Variants in GPR137C observed in about 807,000 individuals in gnomAD.
GPR137C encodes the protein integral membrane protein GPR137C.
In GPR137C, 27 loss-of-function variants were observed where a neutral mutation model predicts 43.4. The observed-to-expected ratio is 0.62, with a 90% CI of 0.46 to 0.86. GPR137C has a LOEUF of 0.86. Among genes scored for constraint, GPR137C ranks in the 40% least tolerant of loss-of-function variants. GPR137C has a pLI of 0.00. For missense variants in GPR137C, 522 were observed against 534.6 expected, an observed-to-expected ratio of 0.98 and a Z score of 0.23; for synonymous variants, 285 against 226.9, an observed-to-expected ratio of 1.26 and a Z score of -2.30.
chr14:52,623,104 G>C (rs933659279), intron 3 of GPR137C, among the ~76,000 whole-genome samples: 27 of 152,072 alleles, frequency 1.8e-4, no homozygotes, highest in African/African-American at 6.3e-4. Flanking sequence ...ATCAGGCGTT[G>C]ACATAAAAGA....
intron 3 of GPR137C, among the ~76,000 whole-genome samples, chr14:52,609,052 A>C (rs2039011413): frequency 6.6e-6 from 1 of 152,166 alleles, no homozygotes; most frequent in Non-Finnish European, 1.5e-5. Context: ...ACCTAACTCC[A>C]ACACCCCAAA....
chr14:52,566,398 T>G lies in GPR137C; in HGVS notation c.444+12807T>G, dbSNP rs150998346. ...GGTGTAGTGTATACTCTAAGGAGAATATAAACTTTTATCCCTTTATAGCCC... is the reference window on the plus strand; with the variant it reads ...GGTGTAGTGTATACTCTAAGGAGAAGATAAACTTTTATCCCTTTATAGCCC... On this transcript the variant is annotated intron_variant, in intron 1 of 6. Coordinates refer to ENST00000321662, the MANE Select transcript of GPR137C (RefSeq NM_001099652.2). 2.2e-3 allele frequency among the ~76,000 whole-genome samples: 339 copies of G among 152,354 alleles called. 9 individuals are homozygous for G. Among genetic ancestry groups the G allele is most frequent in the Admixed American group, 0.02 (299 of 15,304 alleles).
intron 1 of GPR137C, among the ~76,000 whole-genome samples, chr14:52,577,183 CAAAAAAAAAAAAAAA>C (rs34249999): frequency 7.3e-5 from 3 of 41,148 alleles, no homozygotes; most frequent in South Asian, 1.2e-3. Context: ...TAAGACTCCT[CAAAAAAAAAAAAAAA>C]AAAAAAAAAA....
At position 52,619,636 on chromosome 14, in the gene GPR137C, C is replaced by T. The variant is rs74626525; in HGVS notation, c.718-12524C>T. 8.5e-3 allele frequency among the ~76,000 whole-genome samples: 1,300 copies of T among 152,156 alleles called. 9 individuals are homozygous for T. The highest frequency in any genetic ancestry group is 0.014 in the Non-Finnish European group (969 of 67,960). On this transcript the variant is annotated intron_variant, in intron 3 of 6. Coordinates refer to ENST00000321662, the MANE Select transcript of GPR137C (RefSeq NM_001099652.2). The stretch of plus-strand genomic sequence containing the variant: ...TCTCCTAAGCCTAAGTAGTTTTCTC[C>T]CTGCTTCTAGACCCTTTTACTCTAT...
chr14:52,581,145 G>A (rs1443676592), intron 1 of GPR137C, among the ~76,000 whole-genome samples: 11 of 148,638 alleles, frequency 7.4e-5, no homozygotes, highest in Admixed American at 1.3e-4. Flanking sequence ...GCAGTGAGCC[G>A]AGATTGCGCC....
chr14:52,584,849 C>T (rs1307871946), intron 1 of GPR137C, among the ~76,000 whole-genome samples: 2 of 152,118 alleles, frequency 1.3e-5, no homozygotes, highest in African/African-American at 2.4e-5. Context: ...AATCCTCTTA[C>T]CTCAGCCTCC....
intron 1 of GPR137C, among the ~76,000 whole-genome samples, chr14:52,580,615 C>T (rs965173114): frequency 6.6e-6 from 1 of 151,908 alleles, no homozygotes; most frequent in Non-Finnish European, 1.5e-5. Context: ...CCACCCACCT[C>T]GGCCTCCCAA....
intron 3 of GPR137C, among the ~76,000 whole-genome samples, chr14:52,623,945 A>G (rs1415378824): frequency 6.6e-6 from 1 of 152,042 alleles, no homozygotes; most frequent in Non-Finnish European, 1.5e-5. Context: ...ACTACTGTTC[A>G]TTTTCAGAAT....
chr14:52,635,320 G>T lies in GPR137C; in HGVS notation c.*205G>T. The T allele has an allele frequency of 2.3e-6, 1 of 426,182 alleles. No homozygotes were observed. The highest frequency in any genetic ancestry group is 4.8e-5 in the South Asian group (1 of 20,866). The allele number at this position is 426,182 out of a possible 1,614,324, so 26.4% of individuals were successfully genotyped here. ...GTAAAATGGAAAGTTTGGAGTAGGA[G>T]AAAAGAGAGATTAGATCTTAAGGCA... On this transcript the variant is annotated 3_prime_UTR_variant, in exon 7 of 7. Transcript: ENST00000321662.
chr14:52,610,820 A>G (rs1473199782), intron 3 of GPR137C, among the ~76,000 whole-genome samples: 3 of 152,210 alleles, frequency 2.0e-5, no homozygotes, highest in Admixed American at 2.0e-4. Flanking sequence ...ACCAATAAAC[A>G]TGCCCAAGTT....
intron 1 of GPR137C, among the ~76,000 whole-genome samples, chr14:52,567,927 G>A (rs1005388841): frequency 6.6e-6 from 1 of 152,022 alleles, no homozygotes; most frequent in African/African-American, 2.4e-5. Context: ...CAAAGTGCTG[G>A]GATTACAGGC....
intron 1 of GPR137C, among the ~76,000 whole-genome samples, chr14:52,589,197 G>A (rs544155044): frequency 6.6e-6 from 1 of 152,290 alleles, no homozygotes; most frequent in African/African-American, 2.4e-5. Flanking sequence ...AGGACAGAAA[G>A]TAGAGAGATG....
intron 1 of GPR137C, among the ~76,000 whole-genome samples, chr14:52,590,543 G>A (rs2038769024): frequency 6.6e-6 from 1 of 152,104 alleles, no homozygotes; most frequent in South Asian, 2.1e-4. Context: ...GCAACTTCCA[G>A]CCCTGTAAGC....
chr14:52,587,550 C>G (rs1430004347), intron 1 of GPR137C, among the ~76,000 whole-genome samples: 2 of 152,188 alleles, frequency 1.3e-5, no homozygotes, highest in African/African-American at 4.8e-5. Context: ...GCTGGCAGAT[C>G]ATTTGAGGTC....
At chr14:52,594,784 G>T (rs1247624522) in intron 1 of GPR137C, among the ~76,000 whole-genome samples, 1 of 152,154 alleles carries the variant, frequency 6.6e-6, no homozygotes, top group Non-Finnish European at 1.5e-5. Flanking sequence ...TTGCCAGTCT[G>T]TGTCTTTTAA....
chr14:52,615,190 G>C (rs575136425), intron 3 of GPR137C, among the ~76,000 whole-genome samples: 1 of 152,282 alleles, frequency 6.6e-6, no homozygotes, highest in South Asian at 2.1e-4. Context: ...AGTTTTCTGA[G>C]CACCATTTAT....
intron 3 of GPR137C, among the ~76,000 whole-genome samples, chr14:52,629,662 G>A (rs2039271785): frequency 6.6e-6 from 1 of 152,152 alleles, no homozygotes; most frequent in African/African-American, 2.4e-5. Flanking sequence ...AACCAAAGCA[G>A]GGGAGCATTT....
intron 2 of GPR137C, among the ~76,000 whole-genome samples, 161 bp downstream of exon 2, chr14:52,598,476 C>T (rs2038884095): frequency 6.6e-6 from 1 of 151,990 alleles, no homozygotes; most frequent in African/African-American, 2.4e-5. Context: ...TTATAGAAAA[C>T]CAAGTTGTTA....
chr14:52,579,139 A>G lies in GPR137C; in HGVS notation c.445-19133A>G, dbSNP rs983022312. ...CTAATCTTTCAAAGAGTAAAGGTCTATTCCAGCATTTTGAGAACCTAGTCA... is the reference window on the plus strand; with the variant it reads ...CTAATCTTTCAAAGAGTAAAGGTCTGTTCCAGCATTTTGAGAACCTAGTCA... On this transcript the variant is annotated intron_variant, in intron 1 of 6. Coordinates refer to ENST00000321662, the MANE Select transcript of GPR137C (RefSeq NM_001099652.2). Among the ~76,000 whole-genome samples the G allele has an allele frequency of 8.5e-5, 13 of 152,296 alleles. No individual in the cohort carries two copies. The South Asian group carries it at 1.7e-3, about 19-fold the overall frequency.
Sources: allele counts gnomAD v4.1 joint callset (sites outside exome capture counted in the v4.1 genomes callset), GRCh38; gene constraint gnomAD v4.1.1; transcripts MANE v1.5; gene names NCBI Gene and HGNC (gene_info 2026-07-23, HGNC 2026-07-21).